The following TDRD15 variants were observed in gnomAD, a reference collection of about 807,000 sequenced individuals.
The protein encoded by TDRD15 is tudor domain-containing protein 15.
For missense variants in TDRD15, 1,416 were observed against 904.7 expected (o/e 1.57, Z -7.25); for synonymous variants, 503 against 314.5 (o/e 1.60, Z -6.34).
Position 21,141,711 on chromosome 2 carries a change from G to A in TDRD15, c.4244G>A (p.Trp1415Ter). 1 of 715,302 alleles carries A rather than the reference G, an allele frequency of 1.4e-6. No individual in the cohort carries two copies. The highest frequency in any genetic ancestry group is 2.7e-5 in the East Asian group (1 of 37,238). The allele number at this position is 715,302 out of a possible 1,614,324, so 44.3% of individuals were successfully genotyped here. The change falls in exon 4 of 4, where the codon TGG becomes TAG. Residue 1415 changes from tryptophan to a stop codon, truncating the protein, a stop_gained. Coordinates refer to ENST00000405799, the MANE Select transcript of TDRD15 (RefSeq NM_001306137.2). LOFTEE classifies it low-confidence loss of function (END_TRUNC). ...CATGCTTTTCTTAGTGGAGTAAAAT[G>A]GAATGAGCCTGATGAAATATGGGAT... ...GIHAFLSGVKWNEPDEIWDDK... is the reference protein window; with the variant it reads ...GIHAFLSGVK
chr2:21,143,823 T>TG lies in TDRD15; in HGVS notation c.*553dup, dbSNP rs1462958305. On this transcript the variant is annotated 3_prime_UTR_variant, in exon 4 of 4. Transcript: ENST00000405799. Reference sequence around the variant, plus strand: ...AGAAAATCTGGATAAACGGATGAACTGGAAGTGGCCACTACGATTTTAAAA... The same window carrying TG: ...AGAAAATCTGGATAAACGGATGAACTGGGAAGTGGCCACTACGATTTTAAAA... Among the ~76,000 whole-genome samples, 3 of 151,748 alleles carry TG rather than the reference T, an allele frequency of 2.0e-5. No individual in the cohort carries two copies. Among genetic ancestry groups the TG allele is most frequent in the Non-Finnish European group, 4.4e-5 (3 of 67,730 alleles).
At position 21,142,239 on chromosome 2, in the gene TDRD15, G is replaced by A. The variant is rs1239586296; in HGVS notation, c.4772G>A (p.Trp1591Ter). The change falls in exon 4 of 4, where the codon TGG (tryptophan) becomes TAG (stop). Residue 1591 changes from tryptophan (W) to a stop codon, truncating the protein, a stop_gained. Coordinates refer to ENST00000405799, the MANE Select transcript of TDRD15 (RefSeq NM_001306137.2). LOFTEE classifies it low-confidence loss of function (END_TRUNC). ...GCAAAATCTAAAAATACCTTGAAAT[G>A]GCATCGATCAAAAGTAGAAGAAAAG... The part of the protein sequence containing the change: ...CLAKSKNTLK[W>*]HRSKVEEKYV... The A allele has an allele frequency of 2.9e-6, 2 of 697,736 alleles. No individual in the cohort carries two copies. The highest frequency in any genetic ancestry group is 5.3e-6 in the Non-Finnish European group (2 of 379,444). 43.2% of individuals were successfully genotyped at this position (697,736 alleles called of 1,614,324 possible).
rs368253244 is a variant in TDRD15, at chr2:21,138,412, C to T, written c.945C>T (p.Pro315=). Residue 315 remains proline (P), a synonymous_variant, in exon 4 of 4, where the codon CCC becomes CCT. Transcript: ENST00000405799. The part of the protein sequence containing the change: ...WHRGILQQLL[P]PNQVKIWFMD... ...GAGGAATTCTTCAGCAGCTCTTGCC[C>T]CCAAATCAAGTAAAAATTTGGTTTA... 3 of 715,632 alleles carry T rather than the reference C, an allele frequency of 4.2e-6. No homozygotes were observed. The highest frequency in any genetic ancestry group is 1.5e-5 in the South Asian group (1 of 67,400). 44.3% of individuals were successfully genotyped at this position (715,632 alleles called of 1,614,324 possible).
chr2:21,131,549 T>C (rs1665719065), intron 2 of TDRD15, among the ~76,000 whole-genome samples: 1 of 152,196 alleles, frequency 6.6e-6, no homozygotes, highest in Non-Finnish European at 1.5e-5. Flanking sequence ...TACGTATCTG[T>C]GTATAGCTAG....
At chr2:21,128,355 C>T (rs1665639919) in intron 2 of TDRD15, among the ~76,000 whole-genome samples, 2 of 149,606 alleles carry the variant, frequency 1.3e-5, no homozygotes, top group African/African-American at 2.5e-5. Context: ...TGGAGTCTCA[C>T]TCTGTCGCCC....
rs995944191 is a variant in TDRD15 at position 21,140,514 on chromosome 2, G to A, written c.3047G>A (p.Arg1016Lys). The A allele has an allele frequency of 1.9e-5, 13 of 693,390 alleles. No individual in the cohort carries two copies. In the African/African-American group the frequency reaches 2.3e-4, roughly 12 times the overall value. The allele number at this position is 693,390 out of a possible 1,614,324, so 43.0% of individuals were successfully genotyped here. A position where few individuals can be genotyped will look rare whatever the true frequency, so the allele number is the denominator to read the frequency against. The change falls in exon 4 of 4, where the codon AGA becomes AAA. Residue 1016 changes from arginine (R) to lysine (K), a missense_variant. Physicochemically the swap from Arg to Lys is conservative, Grantham distance 26. Coordinates refer to ENST00000405799, the MANE Select transcript of TDRD15 (RefSeq NM_001306137.2). ...NFPKYDSNKM[R>K]VCISKYVEDG... Reference sequence around the variant, plus strand: ...CCAAAATATGATTCTAATAAAATGAGAGTGTGCATATCTAAGTATGTAGAG... The same window carrying A: ...CCAAAATATGATTCTAATAAAATGAAAGTGTGCATATCTAAGTATGTAGAG...
rs1013955965 is a variant in TDRD15, at chr2:21,141,399, A to G, written c.3932A>G (p.His1311Arg). 5 of 713,342 alleles carry G rather than the reference A, an allele frequency of 7.0e-6. No individual in the cohort carries two copies. Among genetic ancestry groups the G allele is most frequent in the South Asian group, 6.0e-5 (4 of 66,816 alleles). 44.2% of individuals were successfully genotyped at this position (713,342 alleles called of 1,614,324 possible). ...AATATCAGTAATCCAGCGAATTTCC[A>G]TATTCAGCTTGCTGAGAATGAAAGT... ...VSNISNPANFHIQLAENESVI... is the reference protein window; with the variant it reads ...VSNISNPANFRIQLAENESVI... The change falls in exon 4 of 4, where the codon CAT (histidine) becomes CGT (arginine). Residue 1311 changes from histidine (H) to arginine (R), a missense_variant. Coordinates refer to ENST00000405799, the MANE Select transcript of TDRD15 (RefSeq NM_001306137.2).
chr2:21,141,102 C>T lies in TDRD15; in HGVS notation c.3635C>T (p.Ser1212Leu). Residue 1212 changes from serine to leucine, a missense_variant, in exon 4 of 4, where the codon TCA (serine) becomes TTA (leucine). Transcript: ENST00000405799. ...ATACATGCCAGGTTTTTGAAGCCAT[C>T]AGTTTGTTATAAAATGGAACCTGTG... Reference protein sequence around the residue: ...KNIHARFLKPSVCYKMEPVSK... With the variant: ...KNIHARFLKPLVCYKMEPVSK... The T allele has an allele frequency of 1.4e-6, 1 of 706,986 alleles. No homozygotes were observed. The allele number at this position is 706,986 out of a possible 1,614,324, so 43.8% of individuals were successfully genotyped here.
In TDRD15 at chr2:21,142,505, G is replaced by A. The variant is rs1213929975; in HGVS notation, c.5038G>A (p.Val1680Ile). The change falls in exon 4 of 4, where the codon GTA becomes ATA. Residue 1680 changes from valine to isoleucine, a missense_variant. Transcript: ENST00000405799. Reference protein sequence around the residue: ...LDAVWEVEILVDDLLLLEYLN... With the variant: ...LDAVWEVEILIDDLLLLEYLN... ...TGCTGTTTGGGAAGTAGAAATTTTG[G>A]TAGATGACCTGTTACTTTTGGAATA... 1.1e-5 allele frequency: 8 copies of A among 697,588 alleles called. No homozygotes were observed. The South Asian group carries it at 1.3e-4, about 11-fold the overall frequency. 43.2% of individuals were successfully genotyped at this position (697,588 alleles called of 1,614,324 possible). A position where few individuals can be genotyped will look rare whatever the true frequency, so the allele number is the denominator to read the frequency against.
In TDRD15 at chr2:21,137,942, A is replaced by G. The variant is rs1251872820; in HGVS notation, c.475A>G (p.Ile159Val). Residue 159 changes from isoleucine (I) to valine (V), a missense_variant, in exon 4 of 4, where the codon ATT becomes GTT. Transcript: ENST00000405799. Reference protein sequence around the residue: ...GIQVKGYVQAILPLQMFLFEV... With the variant: ...GIQVKGYVQAVLPLQMFLFEV... Reference sequence around the variant, plus strand: ...ACAAGTGAAAGGTTATGTGCAAGCTATTTTACCTCTGCAAATGTTTCTTTT... The same window carrying G: ...ACAAGTGAAAGGTTATGTGCAAGCTGTTTTACCTCTGCAAATGTTTCTTTT... 7.0e-6 allele frequency: 5 copies of G among 716,736 alleles called. No individual in the cohort carries two copies. The highest frequency in any genetic ancestry group is 1.5e-5 in the South Asian group (1 of 67,570). 44.4% of individuals were successfully genotyped at this position (716,736 alleles called of 1,614,324 possible).
In TDRD15 at chr2:21,142,060, T is replaced by A. The variant is rs1376812555; in HGVS notation, c.4593T>A (p.Ala1531=). 1.4e-6 allele frequency: 1 copy of A among 699,318 alleles called. No homozygotes were observed. The highest frequency in any genetic ancestry group is 2.6e-6 in the Non-Finnish European group (1 of 379,914). The allele number at this position is 699,318 out of a possible 1,614,324, so 43.3% of individuals were successfully genotyped here. A position where few individuals can be genotyped will look rare whatever the true frequency, so the allele number is the denominator to read the frequency against. The stretch of plus-strand genomic sequence containing the variant: ...TCAAACTTGGACAACTTGAAAAAGC[T>A]GAAATGCTTAATGTTTCAAAAAGTG... ...EEFKLGQLEK[A]EMLNVSKSGR... is the part of the protein sequence containing the mutation. Residue 1531 remains alanine, a synonymous_variant, in exon 4 of 4, where the codon GCT becomes GCA. Coordinates refer to ENST00000405799, the MANE Select transcript of TDRD15 (RefSeq NM_001306137.2).
chr2:21,129,572 G>T (rs1665678700), intron 2 of TDRD15, among the ~76,000 whole-genome samples: 1 of 152,088 alleles, frequency 6.6e-6, no homozygotes, highest in Non-Finnish European at 1.5e-5. Flanking sequence ...TGTTAAGTTT[G>T]GGATCTTTAC....
downstream of TDRD15, among the ~76,000 whole-genome samples, chr2:21,146,665 T>C (rs1666035810): frequency 6.6e-6 from 1 of 152,088 alleles, no homozygotes; most frequent in Non-Finnish European, 1.5e-5. Context: ...CCTATTCTTC[T>C]ACAGTTGCTT....
rs1220849749 is a variant in TDRD15 at position 21,139,820 on chromosome 2, C to T, written c.2353C>T (p.Leu785=). The change falls in exon 4 of 4, where the codon CTA becomes TTA. Residue 785 remains leucine, a synonymous_variant. Coordinates refer to ENST00000405799, the MANE Select transcript of TDRD15 (RefSeq NM_001306137.2). ...LQCKSEDLKL[L]MEQIQNYYSI... is the part of the protein sequence containing the mutation. ...ATGTAAGTCAGAAGACCTAAAATTA[C>T]TAATGGAGCAAATTCAGAATTACTA... 1 of 715,334 alleles carries T rather than the reference C, an allele frequency of 1.4e-6. No individual in the cohort carries two copies. The allele number at this position is 715,334 out of a possible 1,614,324, so 44.3% of individuals were successfully genotyped here. A position where few individuals can be genotyped will look rare whatever the true frequency, so the allele number is the denominator to read the frequency against.
Position 21,139,336 on chromosome 2 carries a change from A to G in TDRD15, c.1869A>G (p.Lys623=), listed in dbSNP as rs1035567564. Residue 623 remains lysine, a synonymous_variant, in exon 4 of 4, where the codon AAA becomes AAG. Transcript: ENST00000405799. ...ATTTTAAAAAATTAGTTTTGAACAA[A>G]GCAATTTTGCTTCAGGTTATAGCAA... ...IDYFKKLVLN[K]AILLQVIAKK... 155 of 703,960 alleles carry G rather than the reference A, an allele frequency of 2.2e-4. 1 individual carries two copies. Among genetic ancestry groups the G allele is most frequent in the Non-Finnish European group, 3.3e-4 (126 of 381,278 alleles). 43.6% of individuals were successfully genotyped at this position (703,960 alleles called of 1,614,324 possible).
chr2:21,133,070 G>A (rs973648059), intron 2 of TDRD15, among the ~76,000 whole-genome samples: 1 of 152,054 alleles, frequency 6.6e-6, no homozygotes, highest in Non-Finnish European at 1.5e-5. Flanking sequence ...GTGAACTTCA[G>A]TAAAGAATGT....
chr2:21,127,280 G>C (rs1450706418), intron 1 of TDRD15, among the ~76,000 whole-genome samples: 2 of 151,786 alleles, frequency 1.3e-5, no homozygotes, highest in African/African-American at 4.8e-5. Flanking sequence ...TTTTTATTGT[G>C]TCTTTGGAGG....
chr2:21,129,513 A>G (rs764972850), intron 2 of TDRD15, among the ~76,000 whole-genome samples: 4 of 152,206 alleles, frequency 2.6e-5, no homozygotes, highest in Admixed American at 6.5e-5. Context: ...TTCTGAAGAA[A>G]TATGTAGTCA....
rs1665900327 is a variant in TDRD15, at chr2:21,140,477, C to A, written c.3010C>A (p.Leu1004Ile). 1 of 696,004 alleles carries A rather than the reference C, an allele frequency of 1.4e-6. No homozygotes were observed. Among genetic ancestry groups the A allele is most frequent in the African/African-American group, 1.8e-5 (1 of 55,754 alleles). 43.1% of individuals were successfully genotyped at this position (696,004 alleles called of 1,614,324 possible). A position where few individuals can be genotyped will look rare whatever the true frequency, so the allele number is the denominator to read the frequency against. Residue 1004 changes from leucine to isoleucine, a missense_variant, in exon 4 of 4, where the codon CTC becomes ATC. Leu to Ile is a conservative substitution (Grantham distance 5). Coordinates refer to ENST00000405799, the MANE Select transcript of TDRD15 (RefSeq NM_001306137.2). ...IETKITESVN[L>I]QNFPKYDSNK... ...AACAAAAATCACAGAGAGTGTTAAC[C>A]TCCAAAATTTTCCAAAATATGATTC...
Sources: gnomAD v4.1 joint callset for allele counts (sites outside exome capture counted in the v4.1 genomes callset) on GRCh38, gnomAD v4.1.1 for gene constraint, MANE v1.5 for transcripts, NCBI Gene and HGNC (gene_info 2026-07-23, HGNC 2026-07-21) for gene names.